SDK1: variants seen among roughly 807,000 people sequenced by gnomAD.
SDK1 encodes sidekick cell adhesion molecule 1.
SDK1 carries 157 observed loss-of-function variants against 245.5 expected under a neutral mutation model. The ratio of observed to expected loss-of-function variants is 0.64; its 90% CI spans 0.56 to 0.73. The LOEUF (loss-of-function observed/expected upper bound fraction) is 0.73, where lower values mean the gene tolerates loss of function less well. Among genes scored for constraint, SDK1 ranks in the 30% least tolerant of loss-of-function variants. The pLI is 0.00. For missense variants in SDK1, 3,583 were observed against 3,002.3 expected, an observed-to-expected ratio of 1.19 and a Z score of -4.52; for synonymous variants, 1,647 against 1,278.5, an observed-to-expected ratio of 1.29 and a Z score of -6.15.
chr7:3,419,723 G>C (rs1779485415), intron 1 of SDK1, among the ~76,000 whole-genome samples: 1 of 152,102 alleles, frequency 6.6e-6, no homozygotes, highest in Admixed American at 6.5e-5. Context: ...CTGTTTTTAG[G>C]TTGAGAACTA....
At chr7:3,796,800 C>T (rs1481786288) in intron 4 of SDK1, among the ~76,000 whole-genome samples, 4 of 152,026 alleles carry the variant, frequency 2.6e-5, no homozygotes, top group Non-Finnish European at 5.9e-5. Context: ...CACATTTTTG[C>T]CCATTGGCTT....
chr7:3,769,794 G>A (rs1293851610), intron 4 of SDK1, among the ~76,000 whole-genome samples: 1 of 151,948 alleles, frequency 6.6e-6, no homozygotes, highest in African/African-American at 2.4e-5. Flanking sequence ...GGTGAGGGAA[G>A]GAAGGTAACG....
chr7:3,911,553 C>G (rs541410532), intron 5 of SDK1, among the ~76,000 whole-genome samples: 118 of 152,330 alleles, frequency 7.7e-4, no homozygotes, highest in African/African-American at 2.8e-3. Flanking sequence ...CTCTGCCCTC[C>G]TGATCCATTC....
At chr7:3,649,782 G>A (rs1477274979) in intron 4 of SDK1, among the ~76,000 whole-genome samples, 2 of 152,246 alleles carry the variant, frequency 1.3e-5, no homozygotes, top group Admixed American at 6.5e-5. Context: ...CCGTTCCACC[G>A]TGTATATGAG....
intron 1 of SDK1, among the ~76,000 whole-genome samples, chr7:3,400,824 T>G (rs907128544): frequency 2.6e-5 from 4 of 152,214 alleles, no homozygotes; most frequent in Admixed American, 2.6e-4. Flanking sequence ...GAATCTATTA[T>G]GCAACAGAGC....
At chr7:3,600,215 T>C (rs903637997) in intron 1 of SDK1, among the ~76,000 whole-genome samples, 1 of 152,226 alleles carries the variant, frequency 6.6e-6, no homozygotes, top group Non-Finnish European at 1.5e-5. Flanking sequence ...CATTTTGGTT[T>C]CTAAATGTTC....
intron 9 of SDK1, among the ~76,000 whole-genome samples, chr7:3,966,949 G>A (rs1782127834): frequency 6.6e-6 from 1 of 152,194 alleles, no homozygotes; most frequent in South Asian, 2.1e-4. Flanking sequence ...GCCTCCTGAA[G>A]TGCTGGGAAT....
At chr7:3,566,240 TTTGAGATGGAGTCTCGCTC>T (rs984842427) in intron 1 of SDK1, among the ~76,000 whole-genome samples, 7 of 150,384 alleles carry the variant, frequency 4.7e-5, no homozygotes, top group Non-Finnish European at 1.0e-4. Flanking sequence ...TTTTTTTTTT[TTTGAGATGGAGTCTCGCTC>T]TGTCGCCCAG....
At chr7:3,512,264 C>T (rs993681126) in intron 1 of SDK1, among the ~76,000 whole-genome samples, 8 of 152,038 alleles carry the variant, frequency 5.3e-5, no homozygotes, top group Admixed American at 1.3e-4. Flanking sequence ...TTATTGTTTC[C>T]TCCCTGTGTT....
intron 18 of SDK1, among the ~76,000 whole-genome samples, chr7:4,051,257 A>AAT (rs201245681): frequency 9.7e-5 from 14 of 144,050 alleles, no homozygotes; most frequent in African/African-American, 2.3e-4. Flanking sequence ...GGTTGTATAT[A>AAT]ATATATATAT....
intron 5 of SDK1, among the ~76,000 whole-genome samples, chr7:3,890,412 G>C (rs2128101566): frequency 6.6e-6 from 1 of 152,204 alleles, no homozygotes; most frequent in East Asian, 1.9e-4. Flanking sequence ...TGAAATTGTA[G>C]ATGTGTTGGG....
rs1346093712 is a variant in SDK1, at chr7:4,175,840, T to G, written c.4996+6T>G. On this transcript the variant is annotated splice_donor_region_variant and intron_variant, in intron 34 of 44. Transcript: ENST00000404826. The stretch of plus-strand genomic sequence containing the variant: ...GACGATGTGTGAACTAACACGTAAG[T>G]GCGCTCTCAGCGGGAGGCCCATGCC... 1.2e-6 allele frequency: 2 copies of G among 1,612,424 alleles called. No individual in the cohort carries two copies.
intron 4 of SDK1, among the ~76,000 whole-genome samples, chr7:3,714,714 C>T (rs7779547): frequency 1.3e-5 from 2 of 151,950 alleles, no homozygotes; most frequent in African/African-American, 2.4e-5. Flanking sequence ...CTCAAAAGTG[C>T]TTCTAAAACA....
chr7:3,972,862 G>A (rs183178780), intron 12 of SDK1, among the ~76,000 whole-genome samples: 15 of 152,184 alleles, frequency 9.9e-5, no homozygotes, highest in South Asian at 4.1e-4. Flanking sequence ...CGTGGGTGCC[G>A]AATGCAAAAC....
At chr7:3,650,015 A>G (rs1355384143) in intron 4 of SDK1, among the ~76,000 whole-genome samples, 1 of 18,904 alleles carries the variant, frequency 5.3e-5, no homozygotes, top group African/African-American at 7.7e-5. Flanking sequence ...TTTTGTTTTG[A>G]AAAAAAAAAA....
chr7:3,568,111 G>A (rs898070040), intron 1 of SDK1, among the ~76,000 whole-genome samples: 1 of 152,168 alleles, frequency 6.6e-6, no homozygotes, highest in African/African-American at 2.4e-5. Context: ...ATGAACCACT[G>A]TGTCCAACCT....
At chr7:4,188,687 A>G (rs554108399) in intron 35 of SDK1, among the ~76,000 whole-genome samples, 11 of 152,170 alleles carry the variant, frequency 7.2e-5, no homozygotes, top group South Asian at 2.1e-4. Context: ...ATCAAAAAAA[A>G]AAAGAAAGAA....
chr7:4,215,566 A>C (rs1784749488), intron 38 of SDK1, among the ~76,000 whole-genome samples: 1 of 152,220 alleles, frequency 6.6e-6, no homozygotes, highest in African/African-American at 2.4e-5. Context: ...CACCTGGGCC[A>C]GCCAACCCCC....
intron 5 of SDK1, among the ~76,000 whole-genome samples, chr7:3,848,776 A>G (rs1780345271): frequency 6.6e-6 from 1 of 151,864 alleles, no homozygotes; most frequent in Admixed American, 6.6e-5. Flanking sequence ...AGTTCAAGCA[A>G]TTCTCCTGCC....
Sources: allele counts gnomAD v4.1 joint callset (sites outside exome capture counted in the v4.1 genomes callset), GRCh38; gene constraint gnomAD v4.1.1; transcripts MANE v1.5; gene names NCBI Gene and HGNC (gene_info 2026-07-23, HGNC 2026-07-21).